PHF21A: variants seen among roughly 807,000 people sequenced by gnomAD.
The protein encoded by PHF21A is BHC80a.
Under a neutral mutation model 82.5 loss-of-function variants are expected in PHF21A, and 11 were observed. The ratio of observed to expected loss-of-function variants is 0.13; its 90% confidence interval spans 0.08 to 0.22. The LOEUF is 0.22. Ranked by LOEUF, PHF21A falls within the 10% of genes least tolerant of loss-of-function variation. The pLI, the probability that PHF21A is intolerant of heterozygous loss-of-function variation, is 1.00. For missense variants in PHF21A, 579 were observed against 837.8 expected, an observed-to-expected ratio of 0.69 and a Z score of 3.81; for synonymous variants, 297 against 302.8, an observed-to-expected ratio of 0.98 and a Z score of 0.20.
intron 6 of PHF21A, among the ~76,000 whole-genome samples, chr11:46,037,509 C>T (rs1157206020): frequency 1.3e-5 from 2 of 152,092 alleles, no homozygotes; most frequent in Non-Finnish European, 2.9e-5. Flanking sequence ...GGCATGATGG[C>T]GCATGCCTGT....
chr11:46,078,394 A>G (rs1462755001), intron 5 of PHF21A, among the ~76,000 whole-genome samples: 1 of 152,190 alleles, frequency 6.6e-6, no homozygotes, highest in Non-Finnish European at 1.5e-5. Context: ...GATATATTTG[A>G]TATTTGATAA....
intron 6 of PHF21A, among the ~76,000 whole-genome samples, chr11:45,994,952 G>GT (rs2094852984): frequency 6.6e-6 from 1 of 152,188 alleles, no homozygotes; most frequent in African/African-American, 2.4e-5. Flanking sequence ...ACCAAAGGAC[G>GT]TAAGAATCTA....
intron 9 of PHF21A, among the ~76,000 whole-genome samples, chr11:45,966,541 A>C (rs547814742): frequency 6.6e-6 from 1 of 152,326 alleles, no homozygotes; most frequent in East Asian, 1.9e-4. Flanking sequence ...TTCAAATCCT[A>C]GTTCTACCAC....
chr11:46,066,753 A>T (rs1395774104), intron 6 of PHF21A, among the ~76,000 whole-genome samples: 2 of 152,154 alleles, frequency 1.3e-5, no homozygotes, highest in African/African-American at 4.8e-5. Flanking sequence ...ACAAAAGCAT[A>T]TATAAAGTTA....
rs115834545 is a variant in PHF21A at position 45,974,825 on chromosome 11, A to G, written c.361-3458T>C. ...CAGTGTCTAAGTATGATCACCTTTA[A>G]GAGAAGGTAGCTGTTTCTCCACAGT... On this transcript the variant is annotated intron_variant, in intron 7 of 18. Transcript: ENST00000676320. Among the ~76,000 whole-genome samples the G allele has an allele frequency of 7.0e-3, 1,069 of 152,298 alleles. 11 individuals are homozygous for G. The highest frequency in any genetic ancestry group is 0.024 in the African/African-American group (1,017 of 41,550).
chr11:45,998,612 A>G (rs7947508), intron 6 of PHF21A, among the ~76,000 whole-genome samples: 49,853 of 151,096 alleles, frequency 0.33, 9,264 homozygotes, highest in East Asian at 0.8. Context: ...TCCCAGGTTC[A>G]AGTGATTCTC....
chr11:45,929,427 CAA>C lies in PHF21A; in HGVS notation c.*4539_*4540del, dbSNP rs2087467787. The C allele has an allele frequency of 6.5e-6, 1 of 153,146 alleles. No individual in the cohort carries two copies. The highest frequency in any genetic ancestry group is 1.4e-5 in the Non-Finnish European group (1 of 69,168). The allele number at this position is 153,146 out of a possible 1,614,324, so 9.5% of individuals were successfully genotyped here. A position where few individuals can be genotyped will look rare whatever the true frequency, so the allele number is the denominator to read the frequency against. On this transcript the variant is annotated 3_prime_UTR_variant, in exon 19 of 19. Transcript: ENST00000676320. ...CCCCTCAAAACAAAAACCAAACAAA[CAA>C]AAACAAAAACTTTGAAGCACAAAAC...
At position 45,939,842 on chromosome 11, in the gene PHF21A, C is replaced by A. The variant is rs187038291; in HGVS notation, c.1453-1530G>T. Among the ~76,000 whole-genome samples the A allele has an allele frequency of 1.5e-3, 228 of 148,664 alleles. 1 individual carries two copies. The highest frequency in any genetic ancestry group is 2.6e-3 in the Non-Finnish European group (178 of 67,230). ...CCAGAGAGTCAATGCCTAGCTCATTCTCTGGATGGGATTAAATCCACTGAT... is the reference window on the plus strand; with the variant it reads ...CCAGAGAGTCAATGCCTAGCTCATTATCTGGATGGGATTAAATCCACTGAT... On this transcript the variant is annotated intron_variant, in intron 15 of 18. Coordinates refer to ENST00000676320, the MANE Select transcript of PHF21A (RefSeq NM_001352027.3).
chr11:45,957,938 G>A (rs911152089), intron 10 of PHF21A, among the ~76,000 whole-genome samples: 7 of 151,700 alleles, frequency 4.6e-5, no homozygotes, highest in African/African-American at 1.7e-4. Flanking sequence ...ATGAAACTGA[G>A]GACATTACAT....
intron 6 of PHF21A, among the ~76,000 whole-genome samples, chr11:46,056,548 GA>G (rs1376154435): frequency 6.6e-6 from 1 of 152,078 alleles, no homozygotes; most frequent in Non-Finnish European, 1.5e-5. Context: ...AAAAGGGGGA[GA>G]ATGGAGACAG....
At chr11:46,067,065 T>A (rs1278222329) in intron 6 of PHF21A, among the ~76,000 whole-genome samples, 1 of 152,234 alleles carries the variant, frequency 6.6e-6, no homozygotes, top group Non-Finnish European at 1.5e-5. Flanking sequence ...GCTAATGTAT[T>A]CTTTACTAAT....
chr11:46,109,087 T>C (rs1412402761), intron 1 of PHF21A, among the ~76,000 whole-genome samples: 1 of 152,218 alleles, frequency 6.6e-6, no homozygotes, highest in African/African-American at 2.4e-5. Flanking sequence ...AAAACTTCTT[T>C]AGTAATTCAT....
At chr11:46,043,560 A>G (rs1287565040) in intron 6 of PHF21A, among the ~76,000 whole-genome samples, 1 of 152,084 alleles carries the variant, frequency 6.6e-6, no homozygotes, top group African/African-American at 2.4e-5. Flanking sequence ...GAAGTGATAA[A>G]GACGAGCTCT....
chr11:46,070,499 T>G (rs1245086164), intron 6 of PHF21A, among the ~76,000 whole-genome samples: 2 of 152,204 alleles, frequency 1.3e-5, no homozygotes, highest in East Asian at 3.9e-4. Flanking sequence ...CCCAGCTAAT[T>G]TTTGTATTTT....
intron 6 of PHF21A, among the ~76,000 whole-genome samples, chr11:46,070,437 T>G (rs988470489): frequency 6.6e-6 from 1 of 152,078 alleles, no homozygotes; most frequent in Admixed American, 6.5e-5. Flanking sequence ...TTCAAGCAAT[T>G]CTCCCGCCTC....
At chr11:46,043,807 A>G (rs566049432) in intron 6 of PHF21A, among the ~76,000 whole-genome samples, 5 of 152,198 alleles carry the variant, frequency 3.3e-5, no homozygotes, top group Non-Finnish European at 7.4e-5. Context: ...ATTGAAATGA[A>G]TGCTCACTTT....
chr11:46,039,046 AGAGT>A (rs1257942289), intron 6 of PHF21A, among the ~76,000 whole-genome samples: 3 of 152,210 alleles, frequency 2.0e-5, no homozygotes, highest in Non-Finnish European at 4.4e-5. Flanking sequence ...TTACTGGAGC[AGAGT>A]GAGTGGGCTG....
At chr11:45,964,069 C>T (rs1294373064) in intron 10 of PHF21A, among the ~76,000 whole-genome samples, 9 of 151,610 alleles carry the variant, frequency 5.9e-5, no homozygotes, top group Non-Finnish European at 1.3e-4. Context: ...TGGTGGCTGA[C>T]GCCTGTAATC....
intron 6 of PHF21A, among the ~76,000 whole-genome samples, chr11:45,990,044 T>C (rs913384213): frequency 7.9e-5 from 12 of 152,110 alleles, no homozygotes; most frequent in South Asian, 6.2e-4. Context: ...ATCTTAAGCC[T>C]GAAGAAAAAC....
Sources: gnomAD v4.1 joint callset for allele counts (sites outside exome capture counted in the v4.1 genomes callset) on GRCh38, gnomAD v4.1.1 for gene constraint, MANE v1.5 for transcripts, NCBI Gene and HGNC (gene_info 2026-07-23, HGNC 2026-07-21) for gene names.